RBMS3: variants seen among roughly 807,000 people sequenced by gnomAD.
RBMS3 encodes the protein RNA-binding motif, single-stranded-interacting protein 3.
RBMS3 carries 27 observed loss-of-function variants against 66.8 expected under a neutral mutation model. That is an observed-to-expected ratio of 0.40 (90% CI 0.30 to 0.56). The LOEUF (loss-of-function observed/expected upper bound fraction) is 0.56, where lower values mean the gene tolerates loss of function less well. Among genes scored for constraint, RBMS3 ranks in the 20% least tolerant of loss-of-function variants. The pLI, the probability that RBMS3 is intolerant of heterozygous loss-of-function variation, is 0.40. For missense variants in RBMS3, 513 were observed against 549.5 expected (o/e 0.93, Z 0.66); for synonymous variants, 188 against 183.0 (o/e 1.03, Z -0.22).
Position 29,715,136 on chromosome 3 carries a change from C to G in RBMS3, c.400-24584C>G, listed in dbSNP as rs147745329. ...AGATATTTTCCAGAAGGTGATTTCC[C>G]TGTCCTTTATGAATTGTAAAATAAT... On this transcript the variant is annotated intron_variant, in intron 4 of 14. Coordinates refer to ENST00000383767, the MANE Select transcript of RBMS3 (RefSeq NM_001003793.3). Among the ~76,000 whole-genome samples, 462 of 152,172 alleles carry G rather than the reference C, an allele frequency of 3.0e-3. 2 individuals carry two copies. Among genetic ancestry groups the G allele is most frequent in the African/African-American group, 9.9e-3 (411 of 41,526 alleles).
chr3:29,914,748 A>C (rs1463468904), intron 10 of RBMS3, among the ~76,000 whole-genome samples: 5 of 152,070 alleles, frequency 3.3e-5, no homozygotes, highest in African/African-American at 1.2e-4. Flanking sequence ...GAAAATAGAG[A>C]TACTTCAAAT....
At chr3:29,623,251 C>G (rs2048938538) in intron 4 of RBMS3, among the ~76,000 whole-genome samples, 1 of 150,970 alleles carries the variant, frequency 6.6e-6, no homozygotes, top group Non-Finnish European at 1.5e-5. Context: ...AATTAAAGCA[C>G]TACTTTAAAT....
At chr3:29,850,001 T>A (rs2058891609) in intron 6 of RBMS3, among the ~76,000 whole-genome samples, 1 of 152,216 alleles carries the variant, frequency 6.6e-6, no homozygotes, top group African/African-American at 2.4e-5. Context: ...CTTTTGCACT[T>A]CTGGTAAAGA....
chr3:29,735,778 A>G (rs2054353374), intron 4 of RBMS3, among the ~76,000 whole-genome samples: 1 of 152,216 alleles, frequency 6.6e-6, no homozygotes, highest in Admixed American at 6.5e-5. Flanking sequence ...GTAAATTGGC[A>G]ATAACATCAG....
At chr3:29,291,170 G>T (rs1336672950) in intron 1 of RBMS3, among the ~76,000 whole-genome samples, 2 of 151,836 alleles carry the variant, frequency 1.3e-5, no homozygotes, top group Non-Finnish European at 2.9e-5. Flanking sequence ...AATTGATTTG[G>T]GTTTTGCAGT....
At chr3:29,303,976 A>G (rs2033845632) in intron 1 of RBMS3, among the ~76,000 whole-genome samples, 1 of 151,972 alleles carries the variant, frequency 6.6e-6, no homozygotes, top group Non-Finnish European at 1.5e-5. Context: ...CATGAGACTT[A>G]TTCACTACCA....
chr3:29,820,841 C>T (rs1187821206), intron 6 of RBMS3, among the ~76,000 whole-genome samples: 2 of 152,244 alleles, frequency 1.3e-5, no homozygotes, highest in South Asian at 2.1e-4. Flanking sequence ...CTCCAGAGAC[C>T]AGAGACTGAG....
intron 14 of RBMS3, among the ~76,000 whole-genome samples, chr3:30,002,995 A>C (rs577376241): frequency 6.6e-6 from 1 of 152,172 alleles, no homozygotes; most frequent in African/African-American, 2.4e-5. Context: ...GCAACTGTGC[A>C]TCAGAAGAAC....
intron 5 of RBMS3, among the ~76,000 whole-genome samples, chr3:29,754,627 C>T (rs905529460): frequency 4.6e-5 from 7 of 152,122 alleles, no homozygotes; most frequent in Non-Finnish European, 8.8e-5. Flanking sequence ...AAATGTCAAC[C>T]TTAAATAACA....
At chr3:29,547,677 A>G (rs937687711) in intron 3 of RBMS3, among the ~76,000 whole-genome samples, 3 of 152,106 alleles carry the variant, frequency 2.0e-5, no homozygotes, top group Non-Finnish European at 2.9e-5. Context: ...ATTTTTAAAA[A>G]TATATATTTT....
At chr3:29,348,933 T>G (rs1292734049) in intron 1 of RBMS3, among the ~76,000 whole-genome samples, 1 of 152,186 alleles carries the variant, frequency 6.6e-6, no homozygotes, top group Non-Finnish European at 1.5e-5. Context: ...CTTTCCTCTC[T>G]TGCAGTTCAC....
At chr3:29,776,515 T>TA (rs993741412) in intron 6 of RBMS3, among the ~76,000 whole-genome samples, 68 of 151,810 alleles carry the variant, frequency 4.5e-4, no homozygotes, top group African/African-American at 8.7e-4. Flanking sequence ...TAAAGTATAG[T>TA]AAAAAAAACC....
At chr3:29,438,501 A>T (rs917845978) in intron 2 of RBMS3, among the ~76,000 whole-genome samples, 10 of 152,310 alleles carry the variant, frequency 6.6e-5, no homozygotes, top group East Asian at 1.9e-4. Context: ...ATTCTTATTG[A>T]GGAATTCTAT....
chr3:29,957,107 G>C (rs1696095614), intron 12 of RBMS3, among the ~76,000 whole-genome samples: 1 of 152,034 alleles, frequency 6.6e-6, no homozygotes, highest in South Asian at 2.1e-4. Flanking sequence ...TTCTTGGAAG[G>C]TTGCCTTATC....
intron 1 of RBMS3, among the ~76,000 whole-genome samples, chr3:29,348,833 A>G (rs1207898409): frequency 1.3e-5 from 2 of 152,190 alleles, no homozygotes; most frequent in South Asian, 2.1e-4. Flanking sequence ...TCCATCTTTA[A>G]TAAAAATGTA....
chr3:29,664,180 C>T (rs1347605294), intron 4 of RBMS3, among the ~76,000 whole-genome samples: 1 of 152,014 alleles, frequency 6.6e-6, no homozygotes, highest in Non-Finnish European at 1.5e-5. Context: ...GTGTTAAGTG[C>T]ATTTGTTGAT....
intron 3 of RBMS3, among the ~76,000 whole-genome samples, chr3:29,584,834 C>T (rs1408203014): frequency 6.6e-6 from 1 of 152,050 alleles, no homozygotes; most frequent in Non-Finnish European, 1.5e-5. Flanking sequence ...TGCAATAGCC[C>T]CTAAGTCATC....
intron 4 of RBMS3, among the ~76,000 whole-genome samples, chr3:29,684,558 A>T (rs2051631923): frequency 6.6e-6 from 1 of 152,154 alleles, no homozygotes; most frequent in Admixed American, 6.6e-5. Flanking sequence ...TATGGAATGA[A>T]TAGTTTTTTT....
At chr3:29,690,540 G>A (rs1010492054) in intron 4 of RBMS3, among the ~76,000 whole-genome samples, 25 of 152,222 alleles carry the variant, frequency 1.6e-4, no homozygotes, top group African/African-American at 5.8e-4. Context: ...GTTTCTTTGT[G>A]ATAACTTTGA....
Sources: gnomAD v4.1 joint callset for allele counts (sites outside exome capture counted in the v4.1 genomes callset) on GRCh38, gnomAD v4.1.1 for gene constraint, MANE v1.5 for transcripts, NCBI Gene and HGNC (gene_info 2026-07-23, HGNC 2026-07-21) for gene names.